DPP6: variants seen among roughly 807,000 people sequenced by gnomAD.
DPP6 encodes A-type potassium channel modulatory protein DPP6.
Under a neutral mutation model 122.6 loss-of-function variants are expected in DPP6, and 69 were observed. The ratio of observed to expected loss-of-function variants is 0.56; its 90% CI spans 0.46 to 0.69. The LOEUF is 0.69. Ranked by LOEUF, DPP6 falls within the 30% of genes least tolerant of loss-of-function variation. The pLI is 0.00. For missense variants in DPP6, 928 were observed against 1,116.9 expected (o/e 0.83, Z 2.41); for synonymous variants, 418 against 433.1 (o/e 0.97, Z 0.43).
At chr7:154,292,398 A>G (rs1179032361) in intron 1 of DPP6, among the ~76,000 whole-genome samples, 5 of 152,198 alleles carry the variant, frequency 3.3e-5, no homozygotes, top group Non-Finnish European at 7.3e-5. Flanking sequence ...CTAATTTCCC[A>G]GCATACTATG....
intron 24 of DPP6, 23 bp from the exon 25 acceptor site, chr7:154,889,434 T>C (rs767733577): frequency 1.7e-4 from 47 of 271,546 alleles, no homozygotes; most frequent in South Asian, 2.1e-4. Context: ...CTTCCTCTCT[T>C]TTTTTTTTTT....
intron 1 of DPP6, among the ~76,000 whole-genome samples, chr7:154,345,374 A>G (rs889307392): frequency 1.3e-5 from 2 of 152,188 alleles, no homozygotes; most frequent in Admixed American, 6.5e-5. Flanking sequence ...CATTCATTCT[A>G]TATTTTAGAT....
At chr7:154,521,367 GTT>G (rs201214693) in intron 3 of DPP6, among the ~76,000 whole-genome samples, 17 of 143,616 alleles carry the variant, frequency 1.2e-4, no homozygotes, top group East Asian at 4.1e-4. Context: ...CAAATAAATT[GTT>G]TTTTTTTTTT....
rs988389305 is a variant in DPP6, at chr7:154,821,149, A to G, written c.1666+14037A>G. On this transcript the variant is annotated intron_variant, in intron 16 of 25. Transcript: ENST00000377770. The surrounding 1 kb of genome is among the most constrained non-coding windows in gnomAD (Gnocchi z 4.2). Reference sequence around the variant, plus strand: ...GGAATGGTTGAGCTTCTCATAACCTATCTAATGGGCTGTGAATTGTGTTTC... The same window carrying G: ...GGAATGGTTGAGCTTCTCATAACCTGTCTAATGGGCTGTGAATTGTGTTTC... 2.0e-5 allele frequency among the ~76,000 whole-genome samples: 3 copies of G among 152,198 alleles called. No homozygotes were observed. The highest frequency in any genetic ancestry group is 2.1e-4 in the South Asian group (1 of 4,828).
chr7:154,747,562 G>C (rs1000400630), intron 8 of DPP6, among the ~76,000 whole-genome samples: 3 of 152,144 alleles, frequency 2.0e-5, no homozygotes, highest in Admixed American at 1.3e-4. Context: ...TCGCCATACT[G>C]TGTTAGTCTA....
At chr7:154,503,646 C>A (rs1457441934) in intron 3 of DPP6, among the ~76,000 whole-genome samples, 1 of 150,924 alleles carries the variant, frequency 6.6e-6, no homozygotes, top group Non-Finnish European at 1.5e-5. Context: ...TTCAAGAAAC[C>A]TGTGACCCTC....
chr7:154,227,051 A>G (rs1047218035), intron 1 of DPP6, among the ~76,000 whole-genome samples: 1 of 152,166 alleles, frequency 6.6e-6, no homozygotes, highest in African/African-American at 2.4e-5. Context: ...AGATTACAAT[A>G]TGTTCCAATA....
intron 2 of DPP6, among the ~76,000 whole-genome samples, chr7:154,468,899 A>G (rs1009716928): frequency 1.3e-5 from 2 of 152,224 alleles, no homozygotes; most frequent in Non-Finnish European, 2.9e-5. Context: ...TTTTATAGAC[A>G]TAAGTCTGGA....
intron 1 of DPP6, among the ~76,000 whole-genome samples, chr7:153,993,759 A>G (rs1797302335): frequency 6.6e-6 from 1 of 152,150 alleles, no homozygotes; most frequent in African/African-American, 2.4e-5. Flanking sequence ...TCATTTTCTC[A>G]TCTTCCCCAG....
intron 1 of DPP6, among the ~76,000 whole-genome samples, chr7:154,231,805 C>A (rs1800935228): frequency 6.6e-6 from 1 of 152,304 alleles, no homozygotes; most frequent in South Asian, 2.1e-4. Flanking sequence ...CTGCGGGCTT[C>A]CCCCACGTGC....
chr7:153,908,691 GAGT>G (rs1799950329), intron 1 of DPP6, among the ~76,000 whole-genome samples: 1 of 152,132 alleles, frequency 6.6e-6, no homozygotes, highest in Non-Finnish European at 1.5e-5. Flanking sequence ...GTCATAAAAT[GAGT>G]AGTTAACTCA....
upstream of DPP6, among the ~76,000 whole-genome samples, chr7:153,884,503 T>C (rs1222111480): frequency 2.0e-5 from 3 of 152,166 alleles, no homozygotes; most frequent in African/African-American, 4.8e-5. Flanking sequence ...AGAAATACCA[T>C]TTGACCCAGC....
In DPP6 at chr7:154,602,324, A is replaced by G. The variant is rs182029020; in HGVS notation, c.627+35408A>G. Among the ~76,000 whole-genome samples, 2 of 121,402 alleles carry G rather than the reference A, an allele frequency of 1.6e-5. 1 individual carries two copies. Among genetic ancestry groups the G allele is most frequent in the East Asian group, 7.1e-4 (2 of 2,822 alleles). 79.6% of individuals were successfully genotyped at this position (121,402 alleles called of 152,430 possible). On this transcript the variant is annotated intron_variant, in intron 5 of 25. Transcript: ENST00000377770. ...TCATTTCATTTCTACATATGTTTAA[A>G]TCCCATAATACATTGTTATTATTTG...
At chr7:154,753,551 G>A (rs997536399) in intron 8 of DPP6, among the ~76,000 whole-genome samples, 10 of 152,202 alleles carry the variant, frequency 6.6e-5, no homozygotes, top group African/African-American at 2.4e-4. Flanking sequence ...GTGTTTGAGA[G>A]AAGGCTGTCC....
chr7:153,888,381 G>T (rs577095148), intron 1 of DPP6, among the ~76,000 whole-genome samples: 1 of 152,248 alleles, frequency 6.6e-6, no homozygotes, highest in South Asian at 2.1e-4. Flanking sequence ...GTCCGCGGAA[G>T]GCTCCGGGCA....
At chr7:153,914,480 A>G (rs1346754795) in intron 1 of DPP6, among the ~76,000 whole-genome samples, 1 of 152,162 alleles carries the variant, frequency 6.6e-6, no homozygotes, top group Non-Finnish European at 1.5e-5. Context: ...TAAATTGCAG[A>G]AGTGCTTTCT....
chr7:153,834,053 G>A, the DPP6 span, among the ~76,000 whole-genome samples: 2 of 152,182 alleles, frequency 1.3e-5, no homozygotes, highest in East Asian at 1.9e-4. Flanking sequence ...TTGGGAGGCC[G>A]AGATGGGTGG....
intron 6 of DPP6, among the ~76,000 whole-genome samples, chr7:154,667,026 C>G (rs1838210585): frequency 6.6e-6 from 1 of 152,164 alleles, no homozygotes; most frequent in Non-Finnish European, 1.5e-5. Flanking sequence ...TTCCAAGTCT[C>G]ATAGGTGAGA....
Position 154,471,090 on chromosome 7 carries a change from G to A in DPP6, c.359-3849G>A, listed in dbSNP as rs927006913. Reference sequence around the variant, plus strand: ...ATATAGTGAAACCCTGTCTCTACTAGAAATACAAAAATTAGCCGGGCTCGG... The same window carrying A: ...ATATAGTGAAACCCTGTCTCTACTAAAAATACAAAAATTAGCCGGGCTCGG... On this transcript the variant is annotated intron_variant, in intron 2 of 25. Transcript: ENST00000377770. Among the ~76,000 whole-genome samples, 5 of 151,954 alleles carry A rather than the reference G, an allele frequency of 3.3e-5. No homozygotes were observed. The East Asian group carries it at 7.8e-4, about 24-fold the overall frequency.
Sources: gnomAD v4.1 joint callset for allele counts (sites outside exome capture counted in the v4.1 genomes callset) on GRCh38, gnomAD v4.1.1 for gene constraint, Gnocchi (gnomAD v3.1) non-coding constraint, MANE v1.5 for transcripts, NCBI Gene and HGNC (gene_info 2026-07-23, HGNC 2026-07-21) for gene names.